ZNF638: variants seen among roughly 807,000 people sequenced by gnomAD.
ZNF638 encodes zinc finger protein 638.
A neutral mutation model predicts 195.6 loss-of-function variants in ZNF638; 46 were observed. The ratio of observed to expected loss-of-function variants is 0.24; its 90% CI spans 0.19 to 0.30. ZNF638 has a LOEUF of 0.30. Among genes scored for constraint, ZNF638 ranks in the 10% least tolerant of loss-of-function variants. The probability of loss-of-function intolerance (pLI) is 1.00; values close to 1 mark genes in which losing one functional copy is unlikely to be tolerated. For missense variants in ZNF638, 2,440 were observed against 2,325.3 expected, an observed-to-expected ratio of 1.05 and a Z score of -1.01; for synonymous variants, 845 against 772.0, an observed-to-expected ratio of 1.09 and a Z score of -1.57.
chr2:71,351,961 A>G (rs2078947790), intron 2 of ZNF638, among the ~76,000 whole-genome samples: 1 of 152,254 alleles, frequency 6.6e-6, no homozygotes, highest in Non-Finnish European at 1.5e-5. Flanking sequence ...CCAATTTGCC[A>G]ATTTAATTAT....
chr2:71,379,889 T>C (rs2079503995), intron 8 of ZNF638: 1 of 159,016 alleles, frequency 6.3e-6, no homozygotes, highest in East Asian at 1.8e-4. Context: ...GATCTTTTAC[T>C]ATGTCTAATT....
chr2:71,430,578 T>C (rs1398330400), intron 25 of ZNF638, among the ~76,000 whole-genome samples: 1 of 152,224 alleles, frequency 6.6e-6, no homozygotes, highest in East Asian at 1.9e-4. Context: ...GGCATATCTG[T>C]TTATTACCTC....
intron 20 of ZNF638, among the ~76,000 whole-genome samples, chr2:71,411,468 TTTTTAA>T (rs2080223315): frequency 4.9e-5 from 4 of 81,490 alleles, no homozygotes; most frequent in Admixed American, 1.8e-4. Flanking sequence ...TTATTTTTTA[TTTTTAA>T]TTTTTTTTTT....
chr2:71,406,204 G>C lies in ZNF638; in HGVS notation c.3077G>C (p.Cys1026Ser). The change falls in exon 19 of 28, where the codon TGT (cysteine) becomes TCT (serine). Residue 1026 changes from cysteine (C) to serine (S), a missense_variant. Cys to Ser is a moderately radical substitution (Grantham distance 112, BLOSUM62 -1). Coordinates refer to ENST00000264447, the MANE Select transcript of ZNF638 (RefSeq NM_014497.5). ...GAAGATGGACTTCAGTGTGTACTTT[G>C]TGTTGGACTTCAGTTTGGAAAAGTG... is the stretch of plus-strand genomic sequence containing the variant. Reference protein sequence around the residue: ...LPEDGLQCVLCVGLQFGKVDH... With the variant: ...LPEDGLQCVLSVGLQFGKVDH... 1.2e-6 allele frequency: 2 copies of C among 1,613,522 alleles called. No individual in the cohort carries two copies. The highest frequency in any genetic ancestry group is 1.7e-6 in the Non-Finnish European group (2 of 1,179,576).
intron 3 of ZNF638, among the ~76,000 whole-genome samples, chr2:71,362,901 C>T (rs1423359759): frequency 1.3e-5 from 2 of 152,086 alleles, no homozygotes; most frequent in Non-Finnish European, 2.9e-5. Context: ...GTATCTTGTA[C>T]CTCTTAACAC....
Position 71,350,027 on chromosome 2 carries a change from A to G in ZNF638, c.1073A>G (p.Asn358Ser), listed in dbSNP as rs1347099842. 2 of 1,614,232 alleles carry G rather than the reference A, an allele frequency of 1.2e-6. No homozygotes were observed. Among genetic ancestry groups the G allele is most frequent in the South Asian group, 1.1e-5 (1 of 91,090 alleles). ...QERIPHEPVI[N>S]SSNVHVGSRG... ...CGGATCCCACATGAACCTGTGATTA[A>G]TTCATCTAACGTACATGTTGGATCA... Residue 358 changes from asparagine to serine, a missense_variant, in exon 2 of 28, where the codon AAT becomes AGT. This residue lies in a region of ZNF638 where 305 missense variants were observed against 283.6 expected (regional missense o/e 1.08). Coordinates refer to ENST00000264447, the MANE Select transcript of ZNF638 (RefSeq NM_014497.5).
At chr2:71,403,300 T>C (rs943269592) in intron 16 of ZNF638, among the ~76,000 whole-genome samples, 6 of 152,154 alleles carry the variant, frequency 3.9e-5, no homozygotes, top group Non-Finnish European at 5.9e-5. Flanking sequence ...TAAGCAAACA[T>C]ACAGCTTTCT....
chr2:71,410,434 C>T (rs2080191238), intron 20 of ZNF638, among the ~76,000 whole-genome samples: 1 of 151,850 alleles, frequency 6.6e-6, no homozygotes, highest in African/African-American at 2.4e-5. Flanking sequence ...TGGTCTCAAA[C>T]TTCTGGCCTG....
intron 2 of ZNF638, among the ~76,000 whole-genome samples, chr2:71,352,768 A>G (rs1002676663): frequency 1.3e-5 from 2 of 152,178 alleles, no homozygotes; most frequent in Non-Finnish European, 2.9e-5. Context: ...GGGTAAATAG[A>G]AATGAGATGA....
At chr2:71,410,377 T>TG (rs200305506) in intron 20 of ZNF638, among the ~76,000 whole-genome samples, 13,332 of 151,184 alleles carry the variant, frequency 0.088, 877 homozygotes, top group Admixed American at 0.21. Context: ...TGATTTTTTT[T>TG]TTGTGTGTGT....
At chr2:71,421,494 T>C (rs1471873873) in intron 21 of ZNF638, among the ~76,000 whole-genome samples, 2 of 152,172 alleles carry the variant, frequency 1.3e-5, no homozygotes, top group Admixed American at 6.5e-5. Flanking sequence ...ATGTAATCTT[T>C]GGGGCATGAG....
chr2:71,345,403 T>A (rs1024333564), intron 1 of ZNF638, among the ~76,000 whole-genome samples: 1 of 152,186 alleles, frequency 6.6e-6, no homozygotes, highest in Non-Finnish European at 1.5e-5. Context: ...TTTATTTATA[T>A]GAATTTTTTG....
intron 1 of ZNF638, among the ~76,000 whole-genome samples, chr2:71,333,250 C>T (rs556972689): frequency 6.6e-6 from 1 of 152,232 alleles, no homozygotes; most frequent in Non-Finnish European, 1.5e-5. Flanking sequence ...GTAATATGTA[C>T]TTCTAAATAA....
intron 20 of ZNF638, among the ~76,000 whole-genome samples, chr2:71,410,018 T>A: frequency 6.6e-6 from 1 of 152,230 alleles, no homozygotes; most frequent in East Asian, 1.9e-4. Context: ...CATTGATTGA[T>A]TGTCTAGATG....
chr2:71,370,083 T>C (rs571450755), intron 8 of ZNF638, 78 bp downstream of exon 8: 20 of 1,433,284 alleles, frequency 1.4e-5, no homozygotes, highest in East Asian at 4.7e-5. Context: ...GGCACACATA[T>C]AGAAATAGGC....
At position 71,350,148 on chromosome 2, in the gene ZNF638, T is replaced by C. The variant is rs756642600; in HGVS notation, c.1194T>C (p.His398=). The change falls in exon 2 of 28, where the codon CAT becomes CAC. Residue 398 remains histidine, a synonymous_variant. Transcript: ENST00000264447. ...VKASWLPKFS[H]ADAQKMKRLP... ...CATCCTGGCTACCAAAGTTTTCACATGCTGATGCCCAGAAGATGAAGAGAC... is the reference window on the plus strand; with the variant it reads ...CATCCTGGCTACCAAAGTTTTCACACGCTGATGCCCAGAAGATGAAGAGAC... The C allele has an allele frequency of 4.3e-6, 7 of 1,613,798 alleles. No individual in the cohort carries two copies. The African/African-American group carries it at 9.3e-5, about 22-fold the overall frequency.
chr2:71,402,785 A>G (rs1463686696), intron 16 of ZNF638, among the ~76,000 whole-genome samples: 2 of 152,214 alleles, frequency 1.3e-5, no homozygotes, highest in Admixed American at 6.5e-5. Context: ...TAAATCATGG[A>G]AATGACACCA....
In ZNF638 at chr2:71,347,676, T is replaced by G. The variant is rs954568803; in HGVS notation, c.-202-1077T>G. 2.0e-5 allele frequency among the ~76,000 whole-genome samples: 3 copies of G among 152,234 alleles called. No individual in the cohort carries two copies. In the South Asian group the frequency reaches 6.2e-4, roughly 31 times the overall value. ...TTGTAGAAAAGGCAAGTTGTGTGGC[T>G]GCTGACCTTGGTCCTGAATGGTAGC... On this transcript the variant is annotated intron_variant, in intron 1 of 27. Transcript: ENST00000264447.
In ZNF638 at chr2:71,431,400, CAAATCA is replaced by C; in HGVS notation, c.5725_5730del (p.Lys1909_Ser1910del). On this transcript the variant is annotated inframe_deletion, in exon 26 of 28. Transcript: ENST00000264447. ...AGAAGACTGAAGACTCTTCTTCAGG[CAAATCA>C]GTGGCGTCTGATGTCCCTGAGGGTA... is the stretch of plus-strand genomic sequence containing the variant. The C allele has an allele frequency of 6.2e-7, 1 of 1,613,902 alleles. No homozygotes were observed. Among genetic ancestry groups the C allele is most frequent in the South Asian group, 1.1e-5 (1 of 91,064 alleles).
Sources: allele counts gnomAD v4.1 joint callset (sites outside exome capture counted in the v4.1 genomes callset), GRCh38; gene constraint gnomAD v4.1.1; regional missense constraint gnomAD v4.1.1; transcripts MANE v1.5; gene names NCBI Gene and HGNC (gene_info 2026-07-23, HGNC 2026-07-21).